The following PCNX2 variants were observed in gnomAD, a reference collection of about 807,000 sequenced individuals.
The protein encoded by PCNX2 is pecanex 2, also known as pecanex-like protein 2.
PCNX2 carries 168 observed loss-of-function variants against 223.8 expected under a neutral mutation model. The ratio of observed to expected loss-of-function variants is 0.75; its 90% CI spans 0.66 to 0.85. The LOEUF (loss-of-function observed/expected upper bound fraction) is 0.85. Among genes scored for constraint, PCNX2 ranks in the 40% least tolerant of loss-of-function variants. The pLI is 0.00. For synonymous variants in PCNX2, 1,006 were observed against 1,052.6 expected, an observed-to-expected ratio of 0.96 and a Z score of 0.86; for missense variants, 2,507 against 2,675.5, an observed-to-expected ratio of 0.94 and a Z score of 1.39.
At chr1:233,098,161 G>C (rs562996252) in intron 21 of PCNX2, among the ~76,000 whole-genome samples, 13 of 152,164 alleles carry the variant, frequency 8.5e-5, no homozygotes, top group Non-Finnish European at 1.6e-4. Context: ...TGAATCATGA[G>C]TTATGGAAAG....
intron 15 of PCNX2, among the ~76,000 whole-genome samples, chr1:233,185,179 A>T (rs1680024392): frequency 6.6e-6 from 1 of 151,938 alleles, no homozygotes; most frequent in Non-Finnish European, 1.5e-5. Context: ...GACAAGAGAG[A>T]TTACTTGATT....
chr1:233,223,073 T>A (rs75383115), intron 10 of PCNX2, among the ~76,000 whole-genome samples: 2,555 of 152,168 alleles, frequency 0.017, 31 homozygotes, highest in South Asian at 0.049. Flanking sequence ...GACTTCAACA[T>A]TAAAGGGTCA....
intron 28 of PCNX2, among the ~76,000 whole-genome samples, chr1:233,009,669 T>G (rs1266951382): frequency 7.9e-5 from 12 of 152,176 alleles, no homozygotes; most frequent in Admixed American, 7.9e-4. Flanking sequence ...CTCAGCAGCT[T>G]GTTGAAAATC....
At chr1:233,029,750 T>C (rs1671201872) in intron 25 of PCNX2, among the ~76,000 whole-genome samples, 1 of 152,246 alleles carries the variant, frequency 6.6e-6, no homozygotes, top group Non-Finnish European at 1.5e-5. Flanking sequence ...ATGATTTCTT[T>C]TGATAAGTCA....
intron 32 of PCNX2, among the ~76,000 whole-genome samples, chr1:232,996,307 G>C (rs912211969): frequency 1.3e-5 from 2 of 152,162 alleles, no homozygotes; most frequent in Admixed American, 6.5e-5. Context: ...AAGTCACCTG[G>C]AAGTACTGGC....
At chr1:233,254,627 T>C (rs911755409) in intron 5 of PCNX2, among the ~76,000 whole-genome samples, 1 of 151,562 alleles carries the variant, frequency 6.6e-6, no homozygotes, top group Admixed American at 6.6e-5. Flanking sequence ...TCACTCTTAA[T>C]CCTGCCATCA....
chr1:233,036,822 G>A (rs895344028), intron 25 of PCNX2, among the ~76,000 whole-genome samples: 1 of 152,182 alleles, frequency 6.6e-6, no homozygotes, highest in Non-Finnish European at 1.5e-5. Flanking sequence ...CCCCTAGAGA[G>A]AGGTAAAAAT....
chr1:233,291,655 G>A (rs1258633669), intron 1 of PCNX2: 1 of 618,260 alleles, frequency 1.6e-6, no homozygotes, highest in African/African-American at 2.0e-5. Flanking sequence ...TGTGTCTTTT[G>A]ACATGAGGCT....
chr1:233,128,704 C>T (rs1676247775), intron 21 of PCNX2, among the ~76,000 whole-genome samples: 1 of 152,216 alleles, frequency 6.6e-6, no homozygotes, highest in Admixed American at 6.5e-5. Flanking sequence ...ATCTTTGCTC[C>T]TGTAACAGTC....
Position 233,176,352 on chromosome 1 carries a change from C to T in PCNX2, c.3273+1450G>A, listed in dbSNP as rs372085428. On this transcript the variant is annotated intron_variant, in intron 17 of 33. Transcript: ENST00000258229. ...GATTCTCTTGTTCCTTCCTTTCTCT[C>T]CTTCTTCCTTTTCTTCTCCCGTGCT... 5.9e-5 allele frequency among the ~76,000 whole-genome samples: 9 copies of T among 152,330 alleles called. No individual in the cohort carries two copies. The East Asian group carries it at 1.7e-3, about 29-fold the overall frequency.
rs574844131 is a variant in PCNX2, at chr1:233,254,372, G to C, written c.1835-1584C>G. Among the ~76,000 whole-genome samples, 9 of 152,246 alleles carry C rather than the reference G, an allele frequency of 5.9e-5. No homozygotes were observed. The South Asian group carries it at 1.9e-3, about 32-fold the overall frequency. On this transcript the variant is annotated intron_variant, in intron 5 of 33. Coordinates refer to ENST00000258229, the MANE Select transcript of PCNX2 (RefSeq NM_014801.4). ...CAGTAATCATGCCTCATAAAAAATC[G>C]CAGAAAGGCATATTGACACAGCTCT...
intron 21 of PCNX2, among the ~76,000 whole-genome samples, chr1:233,117,077 A>T (rs1024151402): frequency 6.6e-6 from 1 of 152,204 alleles, no homozygotes; most frequent in Non-Finnish European, 1.5e-5. Flanking sequence ...AAACACAGCT[A>T]TCAGAAAACC....
At chr1:233,218,258 T>A (rs1657122568) in intron 10 of PCNX2, 74 bp from the exon 11 acceptor site, 1 of 1,177,676 alleles carries the variant, frequency 8.5e-7, no homozygotes, top group East Asian at 3.1e-5. Context: ...TTTTTTTTTT[T>A]TTTTTTCTGA....
chr1:233,293,021 A>G lies in PCNX2; in HGVS notation c.153+2305T>C, dbSNP rs150821849. 8.5e-3 allele frequency among the ~76,000 whole-genome samples: 1,288 copies of G among 152,280 alleles called. 4 individuals carry two copies. Among genetic ancestry groups the G allele is most frequent in the Non-Finnish European group, 0.013 (911 of 68,020 alleles). On this transcript the variant is annotated intron_variant, in intron 1 of 33. Transcript: ENST00000258229. ...GAGATTTAGCTGAAAATTACATTTA[A>G]ATATCATCAAAAAGCAAATTAATGA...
chr1:233,203,804 G>T (rs570665697), intron 13 of PCNX2, among the ~76,000 whole-genome samples: 174 of 152,226 alleles, frequency 1.1e-3, no homozygotes, highest in Non-Finnish European at 2.0e-3. Flanking sequence ...CTGACAGGGT[G>T]ATGGTTTAAT....
chr1:233,315,922 A>G, the PCNX2 span, among the ~76,000 whole-genome samples: 2 of 152,230 alleles, frequency 1.3e-5, no homozygotes, highest in Non-Finnish European at 2.9e-5. Flanking sequence ...TAAATACAAT[A>G]AAACCAATTT....
chr1:233,018,766 A>T (rs975012880), intron 26 of PCNX2: 2 of 985,244 alleles, frequency 2.0e-6, no homozygotes, highest in Non-Finnish European at 2.4e-6. Context: ...TGCACATCTC[A>T]CTGTGAAATC....
At chr1:233,091,076 TG>T (rs1396244145) in intron 22 of PCNX2, among the ~76,000 whole-genome samples, 2 of 152,116 alleles carry the variant, frequency 1.3e-5, no homozygotes, top group East Asian at 3.9e-4. Context: ...GGCCTGTGGT[TG>T]GAAGCACAAG....
intron 21 of PCNX2, among the ~76,000 whole-genome samples, chr1:233,130,832 C>CA (rs1209338196): frequency 6.0e-5 from 9 of 150,456 alleles, no homozygotes; most frequent in Middle Eastern, 3.2e-3. Flanking sequence ...AGAGAGTAGG[C>CA]AATATTCATC....
Sources: allele counts gnomAD v4.1 joint callset (sites outside exome capture counted in the v4.1 genomes callset), GRCh38; gene constraint gnomAD v4.1.1; transcripts MANE v1.5; gene names NCBI Gene and HGNC (gene_info 2026-07-23, HGNC 2026-07-21).